The following RUNX1 variants were observed in gnomAD, a reference collection of about 807,000 sequenced individuals.
RUNX1 encodes runt-related transcription factor 1.
RUNX1 carries 19 observed loss-of-function variants against 42.8 expected under a neutral mutation model. The ratio of observed to expected loss-of-function variants is 0.44; its 90% CI spans 0.31 to 0.65. RUNX1 has a LOEUF of 0.65. RUNX1 is among the 30% of genes least tolerant of loss of function. The pLI is 0.07. For missense variants in RUNX1, 528 were observed against 672.0 expected (o/e 0.79, Z 2.37); for synonymous variants, 271 against 289.4 (o/e 0.94, Z 0.64).
intron 2 of RUNX1, among the ~76,000 whole-genome samples, chr21:35,000,983 T>G (rs1465693072): frequency 6.6e-6 from 1 of 152,210 alleles, no homozygotes. Context: ...CCTCCAAATG[T>G]CTTCCTCCCA....
intron 2 of RUNX1, among the ~76,000 whole-genome samples, chr21:34,902,401 A>G (rs2058184253): frequency 6.6e-6 from 1 of 152,202 alleles, no homozygotes; most frequent in Non-Finnish European, 1.5e-5. Flanking sequence ...GGCAAAGGAA[A>G]TACCCCAAAG....
At chr21:34,806,477 A>C (rs2056681507) in intron 7 of RUNX1, among the ~76,000 whole-genome samples, 1 of 152,230 alleles carries the variant, frequency 6.6e-6, no homozygotes, top group Non-Finnish European at 1.5e-5. Context: ...AGTGTCAAAA[A>C]ACATGAGGCA....
intron 6 of RUNX1, among the ~76,000 whole-genome samples, chr21:34,842,617 A>G (rs2057255685): frequency 6.6e-6 from 1 of 152,180 alleles, no homozygotes; most frequent in Non-Finnish European, 1.5e-5. Context: ...TGACATAAGC[A>G]AAGTCCACCA....
intron 7 of RUNX1, among the ~76,000 whole-genome samples, chr21:34,813,002 T>G (rs2056777187): frequency 6.6e-6 from 1 of 152,136 alleles, no homozygotes; most frequent in Non-Finnish European, 1.5e-5. Context: ...GCTAAGTAAC[T>G]CACATTTTTT....
intron 8 of RUNX1, among the ~76,000 whole-genome samples, chr21:34,793,254 G>T (rs527872284): frequency 2.6e-5 from 4 of 152,180 alleles, no homozygotes; most frequent in Admixed American, 2.6e-4. Flanking sequence ...TGCCCAGGAG[G>T]ATGGTATAAT....
rs181307840 is a variant in RUNX1, at chr21:34,942,193, T to C, written c.59-49230A>G. Reference sequence around the variant, plus strand: ...AGCCTGTGTGCTCACAGTGATAGAATTTGGGGCTAGATCCCAGTGTTGGTT... The same window carrying C: ...AGCCTGTGTGCTCACAGTGATAGAACTTGGGGCTAGATCCCAGTGTTGGTT... On this transcript the variant is annotated intron_variant, in intron 2 of 8. Transcript: ENST00000675419. Among the ~76,000 whole-genome samples, 31 of 152,254 alleles carry C rather than the reference T, an allele frequency of 2.0e-4. 1 individual carries two copies. The highest frequency in any genetic ancestry group is 1.6e-3 in the Admixed American group (24 of 15,290).
rs115216176 is a variant in RUNX1, at chr21:34,819,792, A to G, written c.805+14618T>C. ...CGCCCCTCCTGGCCTCGGCCTGCCA[A>G]AGCCTCGTATTCCCACAGCTGTGGC... On this transcript the variant is annotated intron_variant, in intron 7 of 8. Coordinates refer to ENST00000675419, the MANE Select transcript of RUNX1 (RefSeq NM_001754.5). 7.8e-3 allele frequency among the ~76,000 whole-genome samples: 1,185 copies of G among 152,244 alleles called. 24 individuals are homozygous for G. The highest frequency in any genetic ancestry group is 0.027 in the African/African-American group (1,135 of 41,538).
At chr21:34,801,554 T>C (rs1354213407) in intron 7 of RUNX1, among the ~76,000 whole-genome samples, 1 of 152,202 alleles carries the variant, frequency 6.6e-6, no homozygotes, top group African/African-American at 2.4e-5. Context: ...AGATTCCACA[T>C]TTTCTGACTT....
At chr21:34,930,270 G>GTGTGTGTGTA (rs372412304) in intron 2 of RUNX1, among the ~76,000 whole-genome samples, 4 of 123,032 alleles carry the variant, frequency 3.3e-5, no homozygotes, top group African/African-American at 1.5e-4. Context: ...GTGTGTGTAT[G>GTGTGTGTGTA]TATATATATA....
chr21:34,803,662 G>A (rs981468898), intron 7 of RUNX1, among the ~76,000 whole-genome samples: 3 of 152,144 alleles, frequency 2.0e-5, no homozygotes, highest in Non-Finnish European at 4.4e-5. Context: ...CTTTACTGAG[G>A]CCATTTTGTG....
intron 2 of RUNX1, among the ~76,000 whole-genome samples, chr21:35,035,693 CACG>C (rs1171567354): frequency 6.6e-6 from 1 of 152,168 alleles, no homozygotes; most frequent in African/African-American, 2.4e-5. Context: ...CAGAATTGTT[CACG>C]ACAACAGTGC....
At chr21:34,828,416 G>A (rs1370080938) in intron 7 of RUNX1, among the ~76,000 whole-genome samples, 8 of 152,176 alleles carry the variant, frequency 5.3e-5, no homozygotes, top group Admixed American at 5.2e-4. Context: ...TGCTTTAAAT[G>A]TTTCCTTGCA....
chr21:35,049,000 C>T lies in RUNX1; in HGVS notation c.-59-42G>A, dbSNP rs780565125. ...AAGACAGGTCACTGTTTCAGCCTCA[C>T]CCCTCTAGCCCTACATCTCTCTTTC... On this transcript the variant is annotated intron_variant, in intron 1 of 8. Coordinates refer to ENST00000675419, the MANE Select transcript of RUNX1 (RefSeq NM_001754.5). 2.3e-5 allele frequency: 21 copies of T among 924,778 alleles called. No homozygotes were observed. In the Middle Eastern group the frequency reaches 9.7e-4, roughly 43 times the overall value. 57.3% of individuals were successfully genotyped at this position (924,778 alleles called of 1,614,324 possible). A position where few individuals can be genotyped will look rare whatever the true frequency, so the allele number is the denominator to read the frequency against.
chr21:34,936,649 C>T (rs926959092), intron 2 of RUNX1, among the ~76,000 whole-genome samples: 1 of 152,208 alleles, frequency 6.6e-6, no homozygotes, highest in African/African-American at 2.4e-5. Context: ...AAGAAAGTCT[C>T]AGCATGGCAA....
At chr21:34,927,544 T>C (rs1469188522) in intron 2 of RUNX1, among the ~76,000 whole-genome samples, 1 of 152,218 alleles carries the variant, frequency 6.6e-6, no homozygotes, top group African/African-American at 2.4e-5. Context: ...TACTCATTTC[T>C]CCTGAGCCTT....
chr21:34,820,919 T>C (rs1390829867), intron 7 of RUNX1, among the ~76,000 whole-genome samples: 1 of 152,194 alleles, frequency 6.6e-6, no homozygotes, highest in Non-Finnish European at 1.5e-5. Context: ...ACCTGGATGT[T>C]AGGTCTGCCT....
At chr21:34,986,652 G>A (rs1569138108) in intron 2 of RUNX1, among the ~76,000 whole-genome samples, 3 of 150,990 alleles carry the variant, frequency 2.0e-5, no homozygotes, top group Non-Finnish European at 4.4e-5. Context: ...GATGCCATGC[G>A]AAGACAGAGG....
At position 34,904,634 on chromosome 21, in the gene RUNX1, GTTATC is replaced by G. The variant is rs572559317; in HGVS notation, c.59-11676_59-11672del. The stretch of plus-strand genomic sequence containing the variant: ...CACACTCCCATTTTTTTCTTTCCTA[GTTATC>G]TTAACAATTCAAATGCATGTGAAGA... On this transcript the variant is annotated intron_variant, in intron 2 of 8. Coordinates refer to ENST00000675419, the MANE Select transcript of RUNX1 (RefSeq NM_001754.5). 2.6e-3 allele frequency among the ~76,000 whole-genome samples: 396 copies of G among 151,978 alleles called. 2 individuals carry two copies. The highest frequency in any genetic ancestry group is 9.0e-3 in the African/African-American group (374 of 41,442).
At chr21:34,913,677 T>G (rs970221427) in intron 2 of RUNX1, among the ~76,000 whole-genome samples, 1 of 152,196 alleles carries the variant, frequency 6.6e-6, no homozygotes, top group Non-Finnish European at 1.5e-5. Flanking sequence ...ATTGTATTCT[T>G]TAATAATTCA....
Sources: allele counts gnomAD v4.1 joint callset (sites outside exome capture counted in the v4.1 genomes callset), GRCh38; gene constraint gnomAD v4.1.1; transcripts MANE v1.5; gene names NCBI Gene and HGNC (gene_info 2026-07-23, HGNC 2026-07-21).